Variants in LRRCC1 observed in about 807,000 individuals in gnomAD.
The protein encoded by LRRCC1 is leucine-rich repeat and coiled-coil domain-containing protein 1.
A neutral mutation model predicts 126.0 loss-of-function variants in LRRCC1; 115 were observed. That is an observed-to-expected ratio of 0.91 (90% CI 0.78 to 1.07). LRRCC1 has a LOEUF of 1.07. LRRCC1 is among the 50% of genes least tolerant of loss of function. The pLI, the probability that LRRCC1 is intolerant of heterozygous loss-of-function variation, is 0.00. For synonymous variants in LRRCC1, 400 were observed against 393.4 expected (o/e 1.02, Z -0.20); for missense variants, 1,172 against 1,175.7 (o/e 1.00, Z 0.05).
rs1810340136 is a variant in LRRCC1, at chr8:85,130,118, G to T, written c.1766+60G>T. ...TTAAAAAAAGAAAAAGAAAGCTACT[G>T]GTTCCCCACTACCAGTATTTTTTTT... On this transcript the variant is annotated intron_variant, in intron 11 of 18. Transcript: ENST00000360375. 3.8e-6 allele frequency: 5 copies of T among 1,305,066 alleles called. No homozygotes were observed. In the Admixed American group the frequency reaches 1.1e-4, roughly 29 times the overall value. 80.8% of individuals were successfully genotyped at this position (1,305,066 alleles called of 1,614,324 possible). A position where few individuals can be genotyped will look rare whatever the true frequency, so the allele number is the denominator to read the frequency against.
At position 85,115,601 on chromosome 8, in the gene LRRCC1, C is replaced by T. The variant is rs574481622; in HGVS notation, c.930+17C>T. 44 of 1,497,248 alleles carry T rather than the reference C, an allele frequency of 2.9e-5. No individual in the cohort carries two copies. In the East Asian group the frequency reaches 9.1e-4, roughly 31 times the overall value. The allele number at this position is 1,497,248 out of a possible 1,614,324, so 92.7% of individuals were successfully genotyped here. A position where few individuals can be genotyped will look rare whatever the true frequency, so the allele number is the denominator to read the frequency against. ...CTAAATGAAGTAACTATTTTTCCTA[C>T]TTCTCTATAGACATGTTTATTGAAG... is the stretch of plus-strand genomic sequence containing the variant. On this transcript the variant is annotated intron_variant, in intron 6 of 18. Coordinates refer to ENST00000360375, the MANE Select transcript of LRRCC1 (RefSeq NM_033402.5).
chr8:85,131,939 T>C lies in LRRCC1; in HGVS notation c.1946T>C (p.Val649Ala). The C allele has an allele frequency of 6.2e-7, 1 of 1,611,896 alleles. No individual in the cohort carries two copies. Among genetic ancestry groups the C allele is most frequent in the Non-Finnish European group, 8.5e-7 (1 of 1,179,498 alleles). Residue 649 changes from valine (V) to alanine (A), a missense_variant, in exon 12 of 19, where the codon GTT (valine) becomes GCT (alanine). By Grantham distance (64) the Val-to-Ala change is moderately conservative (BLOSUM62 0). Coordinates refer to ENST00000360375, the MANE Select transcript of LRRCC1 (RefSeq NM_033402.5). ...LENEFRIALTVEARRFQDVKD... is the reference protein window; with the variant it reads ...LENEFRIALTAEARRFQDVKD... ...AATGAATTCCGTATTGCTTTAACTG[T>C]TGAAGCCAGAAGATTTCAAGATGTA...
intron 6 of LRRCC1, among the ~76,000 whole-genome samples, chr8:85,118,542 G>A (rs1809287220): frequency 6.6e-6 from 1 of 152,012 alleles, no homozygotes; most frequent in Admixed American, 6.6e-5. Flanking sequence ...TATTTGGTGA[G>A]GTTAGCATTG....
Position 85,138,450 on chromosome 8 carries a change from A to G in LRRCC1, c.2815A>G (p.Arg939Gly), listed in dbSNP as rs1057117479. The change falls in exon 17 of 19, where the codon AGA becomes GGA. Residue 939 changes from arginine to glycine, a missense_variant. Physicochemically the swap from Arg to Gly is moderately radical, Grantham distance 125 (BLOSUM62 -2). Coordinates refer to ENST00000360375, the MANE Select transcript of LRRCC1 (RefSeq NM_033402.5). ...CAAGGAAAAGAAACTTAAAGCGGAAAGAGACAAAAGTATTGAACTACAAAA... is the reference window on the plus strand; with the variant it reads ...CAAGGAAAAGAAACTTAAAGCGGAAGGAGACAAAAGTATTGAACTACAAAA... ...ENKEKKLKAE[R>G]DKSIELQKNA... 4.3e-6 allele frequency: 7 copies of G among 1,611,448 alleles called. No individual in the cohort carries two copies. The highest frequency in any genetic ancestry group is 5.9e-6 in the Non-Finnish European group (7 of 1,179,308).
In LRRCC1 at chr8:85,137,909, A is replaced by G. The variant is rs1049546778; in HGVS notation, c.2494-126A>G. 1.0e-5 allele frequency: 6 copies of G among 590,186 alleles called. No homozygotes were observed. In the African/African-American group the frequency reaches 1.1e-4, roughly 11 times the overall value. 36.6% of individuals were successfully genotyped at this position (590,186 alleles called of 1,614,324 possible). On this transcript the variant is annotated intron_variant, in intron 15 of 18. Transcript: ENST00000360375. ...CAATGTCAATTAAGGGTTAGGAGTC[A>G]CAAGAAAATGAACATTTTATATGTT...
intron 8 of LRRCC1, among the ~76,000 whole-genome samples, chr8:85,125,877 T>G (rs1456557585): frequency 6.6e-6 from 1 of 152,084 alleles, no homozygotes; most frequent in East Asian, 1.9e-4. Flanking sequence ...TATTCTCAAC[T>G]ATAGAGGCTT....
At chr8:85,142,209 G>A (rs193091471) in intron 18 of LRRCC1, among the ~76,000 whole-genome samples, 71 of 152,074 alleles carry the variant, frequency 4.7e-4, no homozygotes, top group Non-Finnish European at 6.8e-4. Context: ...TAGGAGAATG[G>A]CTTGAACCCG....
chr8:85,117,120 T>C (rs1458797354), intron 6 of LRRCC1, among the ~76,000 whole-genome samples: 1 of 152,220 alleles, frequency 6.6e-6, no homozygotes. Flanking sequence ...CATAGGCTGA[T>C]CTCATTTTAT....
Position 85,145,695 on chromosome 8 carries a change from G to T in LRRCC1, c.*184G>T. On this transcript the variant is annotated 3_prime_UTR_variant, in exon 19 of 19. Transcript: ENST00000360375. ...TTGTATAGGTTTTTTATAATAAATTGTTGACAATTTTGTCTATTAGAAAAA... is the reference window on the plus strand; with the variant it reads ...TTGTATAGGTTTTTTATAATAAATTTTTGACAATTTTGTCTATTAGAAAAA... 2.6e-6 allele frequency: 1 copy of T among 391,410 alleles called. No individual in the cohort carries two copies. Among genetic ancestry groups the T allele is most frequent in the Non-Finnish European group, 4.3e-6 (1 of 232,204 alleles). The allele number at this position is 391,410 out of a possible 1,614,324, so 24.2% of individuals were successfully genotyped here.
At chr8:85,133,797 T>G (rs1810663635) in intron 12 of LRRCC1, among the ~76,000 whole-genome samples, 2 of 152,196 alleles carry the variant, frequency 1.3e-5, no homozygotes. Context: ...TCTTCCTGCC[T>G]CTATCCTTCC....
rs1563941528 is a variant in LRRCC1 at position 85,124,764 on chromosome 8, G to T, written c.1125-28G>T. On this transcript the variant is annotated intron_variant, in intron 7 of 18. Transcript: ENST00000360375. ...AGTAATGTGAACACTACTTTTTTGA[G>T]TTATTTTCTATGTTTCATTCTTTAC... The T allele has an allele frequency of 7.0e-6, 10 of 1,431,268 alleles. No individual in the cohort carries two copies. The Admixed American group carries it at 9.6e-5, about 14-fold the overall frequency. 88.7% of individuals were successfully genotyped at this position (1,431,268 alleles called of 1,614,324 possible). A position where few individuals can be genotyped will look rare whatever the true frequency, so the allele number is the denominator to read the frequency against.
In LRRCC1 at chr8:85,123,407, T is replaced by A. The variant is rs1809718755; in HGVS notation, c.931-6T>A. The A allele has an allele frequency of 1.9e-6, 3 of 1,568,144 alleles. No individual in the cohort carries two copies. The highest frequency in any genetic ancestry group is 2.6e-6 in the Non-Finnish European group (3 of 1,164,166). On this transcript the variant is annotated splice_polypyrimidine_tract_variant and splice_region_variant and intron_variant, in intron 6 of 18. Coordinates refer to ENST00000360375, the MANE Select transcript of LRRCC1 (RefSeq NM_033402.5). ...TAACAAATTTTGTTGGCTTTTTAAATTTTAGACTTCTAATTCAATAGATAA... is the reference window on the plus strand; with the variant it reads ...TAACAAATTTTGTTGGCTTTTTAAAATTTAGACTTCTAATTCAATAGATAA...
At position 85,138,361 on chromosome 8, in the gene LRRCC1, A is replaced by T. The variant is rs375898315; in HGVS notation, c.2726A>T (p.Asp909Val). The T allele has an allele frequency of 8.7e-6, 14 of 1,608,980 alleles. No homozygotes were observed. In the South Asian group the frequency reaches 8.9e-5, roughly 10 times the overall value. ...AYSTLNRKWH[D>V]KGELLCHLET... ...AGTACACTGAATCGGAAGTGGCATGATAAAGGAGAACTTCTATGTCATCTT... is the reference window on the plus strand; with the variant it reads ...AGTACACTGAATCGGAAGTGGCATGTTAAAGGAGAACTTCTATGTCATCTT... The change falls in exon 17 of 19, where the codon GAT (aspartate) becomes GTT (valine). Residue 909 changes from aspartate (D) to valine (V), a missense_variant. Asp to Val is a radical substitution (Grantham distance 152). Coordinates refer to ENST00000360375, the MANE Select transcript of LRRCC1 (RefSeq NM_033402.5).
chr8:85,140,771 A>T (rs1388336247), intron 17 of LRRCC1, among the ~76,000 whole-genome samples: 1 of 152,190 alleles, frequency 6.6e-6, no homozygotes. Context: ...GTGCTTATAA[A>T]CTATACCCTT....
chr8:85,140,631 C>T (rs1046677549), intron 17 of LRRCC1, among the ~76,000 whole-genome samples: 1 of 152,106 alleles, frequency 6.6e-6, no homozygotes, highest in Non-Finnish European at 1.5e-5. Flanking sequence ...GTGTTTCGTC[C>T]ACTAAGCATT....
chr8:85,127,173 T>C lies in LRRCC1; in HGVS notation c.1421+336T>C, dbSNP rs538038381. On this transcript the variant is annotated intron_variant, in intron 9 of 18. Coordinates refer to ENST00000360375, the MANE Select transcript of LRRCC1 (RefSeq NM_033402.5). The stretch of plus-strand genomic sequence containing the variant: ...TGGCAGCCTTTTTCTTTAAGCTTCA[T>C]GGGTCATATTTGATCTCATCACATA... Among the ~76,000 whole-genome samples, 5 of 152,322 alleles carry C rather than the reference T, an allele frequency of 3.3e-5. No homozygotes were observed. In the East Asian group the frequency reaches 9.6e-4, roughly 29 times the overall value.
chr8:85,130,091 A>G (rs773026831), intron 11 of LRRCC1, 33 bp downstream of exon 11: 2 of 1,486,848 alleles, frequency 1.3e-6, no homozygotes, highest in Non-Finnish European at 1.8e-6. Flanking sequence ...ATGTATTGGC[A>G]TTTAAAAAAA....
chr8:85,123,614 T>G lies in LRRCC1; in HGVS notation c.1124+8T>G. 1 of 1,554,324 alleles carries G rather than the reference T, an allele frequency of 6.4e-7. No individual in the cohort carries two copies. The highest frequency in any genetic ancestry group is 1.7e-4 in the Middle Eastern group (1 of 5,822). ...CTACAACTCTTTTGTAAGGTACTTG[T>G]TTTAGTTTTAGAAATTTAAGGCACA... On this transcript the variant is annotated splice_region_variant and intron_variant, in intron 7 of 18. Transcript: ENST00000360375.
intron 12 of LRRCC1, among the ~76,000 whole-genome samples, chr8:85,133,561 G>C (rs774998493): frequency 6.6e-6 from 1 of 152,068 alleles, no homozygotes; most frequent in Non-Finnish European, 1.5e-5. Context: ...CTTCTACTTT[G>C]ACATTTCTCC....
Sources: allele counts gnomAD v4.1 joint callset (sites outside exome capture counted in the v4.1 genomes callset), GRCh38; gene constraint gnomAD v4.1.1; transcripts MANE v1.5; gene names NCBI Gene and HGNC (gene_info 2026-07-23, HGNC 2026-07-21).